FGGY: variants seen among roughly 807,000 people sequenced by gnomAD.
The protein encoded by FGGY is FGGY carbohydrate kinase domain-containing protein.
Under a neutral mutation model 71.3 loss-of-function variants are expected in FGGY, and 72 were observed. That is an observed-to-expected ratio of 1.01 (90% CI 0.84 to 1.23). FGGY has a LOEUF of 1.23. Among genes scored for constraint, FGGY ranks in the 50% most tolerant of loss-of-function variants. The probability of loss-of-function intolerance (pLI) is 0.00; values close to 1 mark genes in which losing one functional copy is unlikely to be tolerated. For missense variants in FGGY, 668 were observed against 682.3 expected, an observed-to-expected ratio of 0.98 and a Z score of 0.23; for synonymous variants, 251 against 250.3, an observed-to-expected ratio of 1.00 and a Z score of -0.02.
intron 8 of FGGY, among the ~76,000 whole-genome samples, chr1:59,564,932 A>C (rs1167282250): frequency 6.6e-6 from 1 of 152,172 alleles, no homozygotes; most frequent in Admixed American, 6.5e-5. Context: ...AAAGACTGCA[A>C]GTTGCCTGGA....
intron 14 of FGGY, among the ~76,000 whole-genome samples, chr1:59,731,268 G>T (rs1383293925): frequency 6.6e-6 from 1 of 152,172 alleles, no homozygotes; most frequent in South Asian, 2.1e-4. Context: ...CAAAGAAGGC[G>T]GGAAAGAAAA....
intron 1 of FGGY, among the ~76,000 whole-genome samples, chr1:59,311,359 C>T (rs1001413149): frequency 1.3e-5 from 2 of 151,916 alleles, no homozygotes; most frequent in East Asian, 1.9e-4. Flanking sequence ...ATTTACTGCA[C>T]CTATTGACTG....
intron 14 of FGGY, among the ~76,000 whole-genome samples, chr1:59,751,412 C>T (rs1481190134): frequency 6.6e-6 from 1 of 152,078 alleles, no homozygotes. Context: ...AGTATGCATC[C>T]TCAGTACATG....
chr1:59,351,197 G>A (rs755798719), intron 4 of FGGY, among the ~76,000 whole-genome samples: 4 of 152,190 alleles, frequency 2.6e-5, no homozygotes, highest in Non-Finnish European at 5.9e-5. Context: ...AGTGACAGCT[G>A]AGTAGTTGAG....
At position 59,378,837 on chromosome 1, in the gene FGGY, G is replaced by A. The variant is rs774970699; in HGVS notation, c.554G>A (p.Arg185Gln). 3.0e-5 allele frequency: 48 copies of A among 1,611,052 alleles called. No individual in the cohort carries two copies. Among genetic ancestry groups the A allele is most frequent in the Middle Eastern group, 3.3e-4 (2 of 6,076 alleles). Reference protein sequence around the residue: ...LSWKATGVTARSLCSLVCKWT... With the variant: ...LSWKATGVTAQSLCSLVCKWT... ...TGGAAGGCAACAGGTGTCACAGCACGGTATGTTAATTACAAGTTGGATTGT... is the reference window on the plus strand; with the variant it reads ...TGGAAGGCAACAGGTGTCACAGCACAGTATGTTAATTACAAGTTGGATTGT... Residue 185 changes from arginine (R) to glutamine (Q), a missense_variant and splice_region_variant, in exon 5 of 16, where the codon CGG becomes CAG. Transcript: ENST00000303721.
At chr1:59,709,030 A>G (rs1328691850) in intron 14 of FGGY, among the ~76,000 whole-genome samples, 1 of 152,256 alleles carries the variant, frequency 6.6e-6, no homozygotes, top group African/African-American at 2.4e-5. Flanking sequence ...GCCAAGTAAG[A>G]GAAAGTGAGA....
chr1:59,345,539 C>A (rs190205210), intron 3 of FGGY, among the ~76,000 whole-genome samples: 2 of 152,284 alleles, frequency 1.3e-5, no homozygotes, highest in African/African-American at 4.8e-5. Flanking sequence ...TGAGGGCCTA[C>A]TTTCTGAGAA....
chr1:59,628,648 T>C (rs999428571), intron 10 of FGGY, among the ~76,000 whole-genome samples: 4 of 152,174 alleles, frequency 2.6e-5, no homozygotes, highest in African/African-American at 9.7e-5. Flanking sequence ...AAATAAAAAG[T>C]CTAAAAAATA....
At chr1:59,697,917 T>TA (rs1178261111) in intron 14 of FGGY, among the ~76,000 whole-genome samples, 1 of 152,190 alleles carries the variant, frequency 6.6e-6, no homozygotes, top group Non-Finnish European at 1.5e-5. Context: ...CTCTGAAACT[T>TA]ACTAAATATG....
chr1:59,547,096 G>A (rs1403064146), intron 7 of FGGY, among the ~76,000 whole-genome samples: 1 of 151,690 alleles, frequency 6.6e-6, no homozygotes, highest in Non-Finnish European at 1.5e-5. Context: ...TGGACTACAG[G>A]CGCGTGCCAC....
At chr1:59,497,452 G>A (rs1344111868) in intron 6 of FGGY, among the ~76,000 whole-genome samples, 3 of 152,164 alleles carry the variant, frequency 2.0e-5, no homozygotes, top group Non-Finnish European at 4.4e-5. Context: ...GCCAGGCGTG[G>A]TGGCAGGCAC....
At chr1:59,570,432 C>G (rs1334677364) in intron 8 of FGGY, among the ~76,000 whole-genome samples, 3 of 152,164 alleles carry the variant, frequency 2.0e-5, no homozygotes, top group Non-Finnish European at 4.4e-5. Flanking sequence ...AGATTTGGAG[C>G]ACACTGAGGA....
At chr1:59,337,078 T>C (rs1049952723) in intron 2 of FGGY, among the ~76,000 whole-genome samples, 1 of 148,926 alleles carries the variant, frequency 6.7e-6, no homozygotes, top group Non-Finnish European at 1.5e-5. Flanking sequence ...TGAAAGAAAG[T>C]TTGTTAGGGA....
At chr1:59,348,155 A>G (rs1008226789) in intron 4 of FGGY, among the ~76,000 whole-genome samples, 1 of 152,176 alleles carries the variant, frequency 6.6e-6, no homozygotes, top group Non-Finnish European at 1.5e-5. Context: ...TGTGAACAAA[A>G]TCAATTCTTT....
chr1:59,381,954 A>G (rs1273615125), intron 5 of FGGY, among the ~76,000 whole-genome samples: 2 of 152,144 alleles, frequency 1.3e-5, no homozygotes, highest in African/African-American at 4.8e-5. Flanking sequence ...TTACATAGAC[A>G]GGTTGGACAT....
chr1:59,343,914 C>G (rs139578848), intron 3 of FGGY, among the ~76,000 whole-genome samples: 99 of 152,216 alleles, frequency 6.5e-4, no homozygotes, highest in Non-Finnish European at 1.2e-3. Flanking sequence ...TAGATTTGTT[C>G]TGTACAGTAC....
intron 6 of FGGY, among the ~76,000 whole-genome samples, chr1:59,481,773 A>G (rs1167168985): frequency 6.6e-6 from 1 of 152,206 alleles, no homozygotes; most frequent in African/African-American, 2.4e-5. Flanking sequence ...GTAAGAGATT[A>G]AACTGAACAG....
intron 8 of FGGY, among the ~76,000 whole-genome samples, chr1:59,577,130 C>G (rs996891131): frequency 1.3e-5 from 2 of 152,118 alleles, no homozygotes; most frequent in Admixed American, 1.3e-4. Flanking sequence ...CCATCCTTAC[C>G]TCCTCCCAGC....
Position 59,757,424 on chromosome 1 carries a change from C to G in FGGY, c.1513-507C>G, listed in dbSNP as rs116246553. The stretch of plus-strand genomic sequence containing the variant: ...GCCCGGAGGTCTCAGTATGTACTCA[C>G]AACTTCAGAGATTGCTGGAAAAAGA... On this transcript the variant is annotated intron_variant, in intron 14 of 15. Transcript: ENST00000303721. 8.2e-4 allele frequency among the ~76,000 whole-genome samples: 125 copies of G among 152,328 alleles called. 1 individual carries two copies. The highest frequency in any genetic ancestry group is 2.8e-3 in the African/African-American group (116 of 41,580).
Sources: gnomAD v4.1 joint callset for allele counts (sites outside exome capture counted in the v4.1 genomes callset) on GRCh38, gnomAD v4.1.1 for gene constraint, MANE v1.5 for transcripts, NCBI Gene and HGNC (gene_info 2026-07-23, HGNC 2026-07-21) for gene names.